The following GSK3B variants were observed in gnomAD, a reference collection of about 807,000 sequenced individuals.
GSK3B encodes the protein glycogen synthase kinase-3 beta.
GSK3B carries 15 observed loss-of-function variants against 56.4 expected under a neutral mutation model. The observed-to-expected ratio is 0.27, with a 90% CI of 0.18 to 0.41. The LOEUF (loss-of-function observed/expected upper bound fraction) is 0.41, where lower values mean the gene tolerates loss of function less well. Among genes scored for constraint, GSK3B ranks in the 10% least tolerant of loss-of-function variants. GSK3B has a pLI of 1.00. For missense variants in GSK3B, 300 were observed against 513.4 expected, an observed-to-expected ratio of 0.58 and a Z score of 4.02; for synonymous variants, 181 against 188.9, an observed-to-expected ratio of 0.96 and a Z score of 0.34.
chr3:120,054,257 A>G (rs2058175262), intron 1 of GSK3B, among the ~76,000 whole-genome samples: 1 of 152,068 alleles, frequency 6.6e-6, no homozygotes, highest in South Asian at 2.1e-4. Context: ...GAACATTAAC[A>G]CTTTCAAATC....
intron 3 of GSK3B, among the ~76,000 whole-genome samples, chr3:119,946,047 T>C (rs752181250): frequency 6.6e-6 from 1 of 151,578 alleles, no homozygotes; most frequent in Non-Finnish European, 1.5e-5. Context: ...CTTATGAGGG[T>C]TCACAATCCC....
At chr3:120,005,665 C>T (rs994278908) in intron 1 of GSK3B, among the ~76,000 whole-genome samples, 85 of 152,276 alleles carry the variant, frequency 5.6e-4, no homozygotes, top group African/African-American at 2.0e-3. Context: ...AATTTCATAT[C>T]CCGCCAAACT....
chr3:120,056,159 T>G (rs1035798953), intron 1 of GSK3B, among the ~76,000 whole-genome samples: 6 of 152,228 alleles, frequency 3.9e-5, no homozygotes, highest in African/African-American at 1.4e-4. Context: ...GTAATTTTTA[T>G]TCTGGAAAAT....
intron 10 of GSK3B, among the ~76,000 whole-genome samples, chr3:119,842,130 A>G (rs1052052087): frequency 3.9e-5 from 6 of 152,164 alleles, no homozygotes; most frequent in Non-Finnish European, 8.8e-5. Context: ...TGTGCTACCT[A>G]TTATGTTTCT....
chr3:119,853,533 T>C (rs891840257), intron 9 of GSK3B, among the ~76,000 whole-genome samples: 5 of 152,196 alleles, frequency 3.3e-5, no homozygotes, highest in Admixed American at 6.5e-5. Flanking sequence ...TTTCACGACA[T>C]TGATTCCTCC....
chr3:119,969,512 T>C (rs78737102), intron 2 of GSK3B, among the ~76,000 whole-genome samples: 3,931 of 152,230 alleles, frequency 0.026, 173 homozygotes, highest in African/African-American at 0.089. Context: ...AAAATTTATA[T>C]GGAAAGGCAA....
At chr3:119,850,067 A>T (rs1301551128) in intron 9 of GSK3B, among the ~76,000 whole-genome samples, 1 of 152,094 alleles carries the variant, frequency 6.6e-6, no homozygotes, top group Non-Finnish European at 1.5e-5. Flanking sequence ...GTATGTATGT[A>T]TGTATGTAAA....
intron 2 of GSK3B, among the ~76,000 whole-genome samples, chr3:119,979,397 T>G (rs2057439591): frequency 6.6e-6 from 1 of 152,116 alleles, no homozygotes; most frequent in Admixed American, 6.5e-5. Context: ...CTTATCCCCC[T>G]GCATCTGCTC....
At chr3:120,074,368 T>C (rs2058351769) in intron 1 of GSK3B, among the ~76,000 whole-genome samples, 1 of 151,264 alleles carries the variant, frequency 6.6e-6, no homozygotes, top group African/African-American at 2.4e-5. Context: ...TTTTTTTTTT[T>C]TGAGACAGAG....
intron 1 of GSK3B, among the ~76,000 whole-genome samples, chr3:120,088,193 A>ACAAAATTGTGTTT (rs1443565477): frequency 1.3e-5 from 2 of 152,228 alleles, no homozygotes; most frequent in Non-Finnish European, 1.5e-5. Context: ...TGCCAGCCGA[A>ACAAAATTGTGTTT]CTAAATTGTG....
At chr3:119,898,360 T>C (rs2056591072) in intron 7 of GSK3B, among the ~76,000 whole-genome samples, 1 of 152,070 alleles carries the variant, frequency 6.6e-6, no homozygotes, top group Non-Finnish European at 1.5e-5. Context: ...AGCAAAGGAA[T>C]TGTGGGGACC....
chr3:120,067,380 C>T (rs1467291159), intron 1 of GSK3B, among the ~76,000 whole-genome samples: 1 of 152,146 alleles, frequency 6.6e-6, no homozygotes, highest in Non-Finnish European at 1.5e-5. Context: ...TGAAAATGCA[C>T]TTAATACACC....
At position 120,093,921 on chromosome 3, in the gene GSK3B, G is replaced by T; in HGVS notation, c.-487C>A. 1 of 211,224 alleles carries T rather than the reference G, an allele frequency of 4.7e-6. No homozygotes were observed. Among genetic ancestry groups the T allele is most frequent in the Non-Finnish European group, 9.7e-6 (1 of 103,562 alleles). The allele number at this position is 211,224 out of a possible 1,614,324, so 13.1% of individuals were successfully genotyped here. ...TAGGAGGGAGGGAGAGGGAGGGAGG[G>T]GGTGGCTCGGAGATGCGACGGGAAA... is the stretch of plus-strand genomic sequence containing the variant. On this transcript the variant is annotated 5_prime_UTR_variant, in exon 1 of 11. Transcript: ENST00000264235.
At chr3:120,062,622 T>C (rs780579540) in intron 1 of GSK3B, among the ~76,000 whole-genome samples, 4 of 152,180 alleles carry the variant, frequency 2.6e-5, no homozygotes, top group South Asian at 2.1e-4. Context: ...ATAATTTATA[T>C]AGTAAAACGT....
chr3:119,894,476 T>C (rs997823081), intron 7 of GSK3B, among the ~76,000 whole-genome samples: 3 of 152,178 alleles, frequency 2.0e-5, no homozygotes, highest in Admixed American at 6.5e-5. Context: ...GTATTCATTA[T>C]GGTACTGACT....
chr3:119,957,158 T>C (rs2107501711), intron 2 of GSK3B, among the ~76,000 whole-genome samples: 1 of 152,354 alleles, frequency 6.6e-6, no homozygotes, highest in South Asian at 2.1e-4. Context: ...TAGGGACTAA[T>C]GTTCTGGAAA....
chr3:119,859,586 T>A (rs2056071844), intron 9 of GSK3B, among the ~76,000 whole-genome samples: 1 of 152,212 alleles, frequency 6.6e-6, no homozygotes, highest in East Asian at 1.9e-4. Flanking sequence ...CATGTTTTCA[T>A]CAATTCCTAT....
chr3:120,041,281 CTGAG>C (rs1194376423), intron 1 of GSK3B: 1 of 268,670 alleles, frequency 3.7e-6, no homozygotes, highest in Non-Finnish European at 7.7e-6. Flanking sequence ...GCTAATTTTC[CTGAG>C]TAAGTGGTAG....
At chr3:119,844,749 C>G (rs1401570361) in intron 9 of GSK3B, among the ~76,000 whole-genome samples, 1 of 152,182 alleles carries the variant, frequency 6.6e-6, no homozygotes, top group Admixed American at 6.5e-5. Context: ...GGAGCTGGTA[C>G]CATTCCTTCT....
Sources: allele counts gnomAD v4.1 joint callset (sites outside exome capture counted in the v4.1 genomes callset), GRCh38; gene constraint gnomAD v4.1.1; transcripts MANE v1.5; gene names NCBI Gene and HGNC (gene_info 2026-07-23, HGNC 2026-07-21).